Variants in AUTS2 observed in about 807,000 individuals in gnomAD.
AUTS2 encodes the protein activator of transcription and developmental regulator AUTS2.
AUTS2 carries 17 observed loss-of-function variants against 112.4 expected under a neutral mutation model. That is an observed-to-expected ratio of 0.15 (90% CI 0.10 to 0.23). The LOEUF (loss-of-function observed/expected upper bound fraction) is 0.23, where lower values mean the gene tolerates loss of function less well. Among genes scored for constraint, AUTS2 ranks in the 10% least tolerant of loss-of-function variants. The pLI is 1.00. For synonymous variants in AUTS2, 751 were observed against 702.7 expected (o/e 1.07, Z -1.09); for missense variants, 1,510 against 1,701.6 (o/e 0.89, Z 1.98).
At chr7:70,121,386 TATCA>T in intron 3 of AUTS2, among the ~76,000 whole-genome samples, 1 of 152,242 alleles carries the variant, frequency 6.6e-6, no homozygotes, top group South Asian at 2.1e-4. Flanking sequence ...CAAAGAGCAT[TATCA>T]AGAAAGTAAA....
At chr7:69,842,762 T>C (rs1935665645) in intron 1 of AUTS2, among the ~76,000 whole-genome samples, 2 of 152,178 alleles carry the variant, frequency 1.3e-5, no homozygotes, top group African/African-American at 4.8e-5. Flanking sequence ...GAGCTTCTGG[T>C]CCTGTGATCT....
intron 4 of AUTS2, among the ~76,000 whole-genome samples, chr7:70,243,845 T>C (rs1427663063): frequency 6.6e-6 from 1 of 152,118 alleles, no homozygotes; most frequent in Non-Finnish European, 1.5e-5. Context: ...GTGCTTTGCT[T>C]GAAATAGAAT....
intron 2 of AUTS2, among the ~76,000 whole-genome samples, chr7:69,902,536 T>G (rs911430295): frequency 2.6e-5 from 4 of 152,172 alleles, no homozygotes; most frequent in African/African-American, 9.7e-5. Flanking sequence ...TGAATTAGGT[T>G]TGCATCTTAT....
rs1201489888 is a variant in AUTS2, at chr7:69,974,106, T to A, written c.522+74608T>A. 3.3e-5 allele frequency among the ~76,000 whole-genome samples: 5 copies of A among 152,070 alleles called. No individual in the cohort carries two copies. The East Asian group carries it at 7.7e-4, about 23-fold the overall frequency. On this transcript the variant is annotated intron_variant, in intron 2 of 18. Transcript: ENST00000342771. ...TTTAAGAAATTAAATTTTCTTAATT[T>A]AAGTTATTGGGCTACTTAAATTACT... is the stretch of plus-strand genomic sequence containing the variant.
At chr7:70,393,962 A>C (rs1793977078) in intron 4 of AUTS2, among the ~76,000 whole-genome samples, 3 of 152,210 alleles carry the variant, frequency 2.0e-5, no homozygotes, top group African/African-American at 2.4e-5. Context: ...AAGAAAAAGC[A>C]AGGGTTGGGA....
At chr7:70,062,791 G>A (rs1257613184) in intron 2 of AUTS2, among the ~76,000 whole-genome samples, 1 of 152,170 alleles carries the variant, frequency 6.6e-6, no homozygotes, top group Non-Finnish European at 1.5e-5. Flanking sequence ...CTGTTGTTTT[G>A]AATTAAGAGG....
chr7:69,863,500 A>T (rs1328123823), intron 1 of AUTS2, among the ~76,000 whole-genome samples: 1 of 152,118 alleles, frequency 6.6e-6, no homozygotes, highest in East Asian at 1.9e-4. Flanking sequence ...GCTTTAGGGG[A>T]GTCTGCAAAG....
intron 1 of AUTS2, among the ~76,000 whole-genome samples, chr7:69,863,318 A>G (rs185394053): frequency 6.6e-6 from 1 of 152,346 alleles, no homozygotes; most frequent in Admixed American, 6.5e-5. Flanking sequence ...GTATTATGTA[A>G]GTAATGTACA....
chr7:69,986,330 C>T lies in AUTS2; in HGVS notation c.522+86832C>T, dbSNP rs540825954. Among the ~76,000 whole-genome samples the T allele has an allele frequency of 1.3e-3, 195 of 152,252 alleles. 3 individuals carry two copies. Among genetic ancestry groups the T allele is most frequent in the African/African-American group, 4.5e-3 (185 of 41,552 alleles). ...AATGCTTGAATGGCCAAAACAAGCC[C>T]CTGTTATGTGGCAGGAGCTGTGCTA... On this transcript the variant is annotated intron_variant, in intron 2 of 18. Transcript: ENST00000342771.
At chr7:70,561,605 G>T (rs559571945) in intron 5 of AUTS2, among the ~76,000 whole-genome samples, 1 of 152,318 alleles carries the variant, frequency 6.6e-6, no homozygotes, top group South Asian at 2.1e-4. Context: ...CTGAGCAACA[G>T]TGATGAGATA....
At chr7:70,042,331 A>G (rs1721823289) in intron 2 of AUTS2, among the ~76,000 whole-genome samples, 1 of 152,156 alleles carries the variant, frequency 6.6e-6, no homozygotes, top group Non-Finnish European at 1.5e-5. Flanking sequence ...AAAAATTGAT[A>G]ATGAGATTTT....
At chr7:70,599,362 C>A (rs1040020626) in intron 5 of AUTS2, among the ~76,000 whole-genome samples, 1 of 152,180 alleles carries the variant, frequency 6.6e-6, no homozygotes, top group East Asian at 1.9e-4. Flanking sequence ...AATGTGGTAT[C>A]TTTCTGTCTT....
chr7:69,722,007 G>T (rs1798972002), intron 1 of AUTS2, among the ~76,000 whole-genome samples: 1 of 148,008 alleles, frequency 6.8e-6, no homozygotes, highest in Non-Finnish European at 1.5e-5. Flanking sequence ...CTTTTGGGAA[G>T]CAGGGAAGTA....
chr7:70,212,366 A>G (rs1022881048), intron 4 of AUTS2, among the ~76,000 whole-genome samples: 5 of 152,192 alleles, frequency 3.3e-5, no homozygotes, highest in Admixed American at 1.3e-4. Context: ...TCACCAGCTC[A>G]TAGTTGGGAC....
chr7:70,067,754 A>G (rs1271027161), intron 2 of AUTS2, among the ~76,000 whole-genome samples: 1 of 152,082 alleles, frequency 6.6e-6, no homozygotes, highest in Non-Finnish European at 1.5e-5. Context: ...TTGCAGGACT[A>G]AGGCAGGAGG....
chr7:70,629,322 A>AT (rs1254160824), intron 5 of AUTS2, among the ~76,000 whole-genome samples: 2 of 152,110 alleles, frequency 1.3e-5, no homozygotes, highest in Non-Finnish European at 2.9e-5. Flanking sequence ...AATACAAAAA[A>AT]TTAGCCAGGC....
At chr7:70,762,487 C>T (rs1039125322) in intron 6 of AUTS2, among the ~76,000 whole-genome samples, 2 of 151,628 alleles carry the variant, frequency 1.3e-5, no homozygotes, top group African/African-American at 4.8e-5. Flanking sequence ...AGGCTGGTCT[C>T]GAACTCCTGG....
At chr7:70,583,524 G>A (rs1049313902) in intron 5 of AUTS2, among the ~76,000 whole-genome samples, 1 of 152,238 alleles carries the variant, frequency 6.6e-6, no homozygotes, top group African/African-American at 2.4e-5. Flanking sequence ...CGGAGGCAGA[G>A]GTAGTGATTC....
chr7:70,070,408 T>TAAAAAAA (rs58320845), intron 2 of AUTS2, among the ~76,000 whole-genome samples: 1 of 128,442 alleles, frequency 7.8e-6, no homozygotes, highest in Non-Finnish European at 1.6e-5. Context: ...CCCCGTCTCT[T>TAAAAAAA]AAAAAAAAAA....
Sources: gnomAD v4.1 joint callset for allele counts (sites outside exome capture counted in the v4.1 genomes callset) on GRCh38, gnomAD v4.1.1 for gene constraint, MANE v1.5 for transcripts, NCBI Gene and HGNC (gene_info 2026-07-23, HGNC 2026-07-21) for gene names.